SELENOH: variants seen among roughly 807,000 people sequenced by gnomAD.
The protein encoded by SELENOH is chromosome 11 open reading frame 31.
In SELENOH, 13 loss-of-function variants were observed where a neutral mutation model predicts 11.9. The observed-to-expected ratio is 1.09, with a 90% confidence interval of 0.71 to 1.74. The LOEUF is 1.74. Among genes scored for constraint, SELENOH ranks in the 40% most tolerant of loss-of-function variants. The pLI is 0.00. For synonymous variants in SELENOH, 96 were observed against 73.5 expected (o/e 1.31, Z -1.56); for missense variants, 223 against 170.3 (o/e 1.31, Z -1.72).
In SELENOH at chr11:57,741,499, C is replaced by T. The variant is rs1032905225; in HGVS notation, c.-97C>T. On this transcript the variant is annotated 5_prime_UTR_variant, in exon 1 of 4. Coordinates refer to ENST00000534355, the MANE Select transcript of SELENOH (RefSeq NM_170746.4). Reference sequence around the variant, plus strand: ...GTTTCCGCTGTAGGAGCAGAGCTTCCGGGCTGCGCTCTTCGTTGCCCAGTT... The same window carrying T: ...GTTTCCGCTGTAGGAGCAGAGCTTCTGGGCTGCGCTCTTCGTTGCCCAGTT... 4 of 1,000,368 alleles carry T rather than the reference C, an allele frequency of 4.0e-6. No individual in the cohort carries two copies. The highest frequency in any genetic ancestry group is 5.2e-6 in the Non-Finnish European group (4 of 775,250). The allele number at this position is 1,000,368 out of a possible 1,614,324, so 62.0% of individuals were successfully genotyped here. A position where few individuals can be genotyped will look rare whatever the true frequency, so the allele number is the denominator to read the frequency against.
chr11:57,741,738 C>T (rs766674032), intron 1 of SELENOH, 21 bp downstream of exon 1: 31 of 1,595,182 alleles, frequency 1.9e-5, no homozygotes, highest in African/African-American at 8.1e-5. Context: ...TGGAGAGTAA[C>T]GGGAGAGAGG....
At chr11:57,741,975 G>A (rs928498325) in intron 2 of SELENOH, 21 bp downstream of exon 2, 1 of 1,581,340 alleles carries the variant, frequency 6.3e-7, no homozygotes, top group Non-Finnish European at 8.6e-7. Flanking sequence ...ACCTGGATGT[G>A]GGGGAGAGGG....
chr11:57,742,286 G>A (rs947121501), intron 3 of SELENOH, 39 bp downstream of exon 3: 2 of 1,409,424 alleles, frequency 1.4e-6, no homozygotes, highest in Non-Finnish European at 2.0e-6. Context: ...CGCTGTTGAG[G>A]AAGAGAAGGC....
chr11:57,742,366 G>T, intron 3 of SELENOH, 119 bp downstream of exon 3: 5 of 716,860 alleles, frequency 7.0e-6, no homozygotes, highest in Non-Finnish European at 1.2e-5. Context: ...CAGCACTCTG[G>T]GAGGTCGAGG....
chr11:57,741,577 C>A lies in SELENOH; in HGVS notation c.-19C>A. On this transcript the variant is annotated 5_prime_UTR_variant, in exon 1 of 4. Transcript: ENST00000534355. ...CCACCCACCAGTCCCGCTGCATTCT[C>A]GGCCGGGCTCTAGGCGCCATGGCTC... is the stretch of plus-strand genomic sequence containing the variant. The A allele has an allele frequency of 8.0e-7, 1 of 1,257,834 alleles. No homozygotes were observed. 77.9% of individuals were successfully genotyped at this position (1,257,834 alleles called of 1,614,324 possible). A position where few individuals can be genotyped will look rare whatever the true frequency, so the allele number is the denominator to read the frequency against.
In SELENOH at chr11:57,741,817, G is replaced by T; in HGVS notation, c.131G>T (p.Sec44Leu). The T allele has an allele frequency of 6.2e-7, 1 of 1,606,080 alleles. No individual in the cohort carries two copies. ...TCTCCGTCTCTCCCTAGCACTAGCT[G>T]ACGCGTCTATGGGCGCAACGCCGCG... ...ATVVIEHCTS[U>L]RVYGRNAAAL... Residue 44 changes from selenocysteine (U) to leucine (L), a missense_variant, in exon 2 of 4, where the codon TGA (selenocysteine) becomes TTA (leucine). Coordinates refer to ENST00000534355, the MANE Select transcript of SELENOH (RefSeq NM_170746.4).
intron 3 of SELENOH, 57 bp downstream of exon 3, chr11:57,742,304 T>A: frequency 7.7e-7 from 1 of 1,303,710 alleles, no homozygotes; most frequent in Non-Finnish European, 1.1e-6. Context: ...GGCATTGATC[T>A]TGGTGTGGCT....
chr11:57,742,220 A>C lies in SELENOH; in HGVS notation c.*3A>C, dbSNP rs760801933. The stretch of plus-strand genomic sequence containing the variant: ...AGTTGAAGAAGTACCTGTCGTAGGG[A>C]GATTTGGGTAGAAGCCCTCATGCTG... On this transcript the variant is annotated 3_prime_UTR_variant, in exon 3 of 4. Coordinates refer to ENST00000534355, the MANE Select transcript of SELENOH (RefSeq NM_170746.4). The C allele has an allele frequency of 6.2e-7, 1 of 1,601,912 alleles. No homozygotes were observed. Among genetic ancestry groups the C allele is most frequent in the Admixed American group, 1.7e-5 (1 of 58,060 alleles).
intron 1 of SELENOH, 25 bp downstream of exon 1, chr11:57,741,742 A>T: frequency 1.3e-6 from 2 of 1,597,334 alleles, no homozygotes; most frequent in Non-Finnish European, 1.7e-6. Context: ...GAGTAACGGG[A>T]GAGAGGGAAC....
At chr11:57,741,982 A>G (rs1242099421) in intron 2 of SELENOH, 28 bp downstream of exon 2, 2 of 1,579,098 alleles carry the variant, frequency 1.3e-6, no homozygotes, top group Non-Finnish European at 1.7e-6. Flanking sequence ...TGTGGGGGAG[A>G]GGGACGTGGG....
rs1272039216 is a variant in SELENOH at position 57,743,091 on chromosome 11, T to C, written c.*259T>C. On this transcript the variant is annotated 3_prime_UTR_variant, in exon 4 of 4. Coordinates refer to ENST00000534355, the MANE Select transcript of SELENOH (RefSeq NM_170746.4). ...TAAGGGATGGACAAAGCCAGCCTTGTGGAGTTGGTAGTCCTTGTGTTTTTC... is the reference window on the plus strand; with the variant it reads ...TAAGGGATGGACAAAGCCAGCCTTGCGGAGTTGGTAGTCCTTGTGTTTTTC... The C allele has an allele frequency of 6.6e-6, 1 of 152,614 alleles. No homozygotes were observed. The highest frequency in any genetic ancestry group is 1.5e-5 in the Non-Finnish European group (1 of 68,046). 9.5% of individuals were successfully genotyped at this position (152,614 alleles called of 1,614,324 possible).
chr11:57,741,558 A>G lies in SELENOH; in HGVS notation c.-38A>G. 3 of 1,247,508 alleles carry G rather than the reference A, an allele frequency of 2.4e-6. No homozygotes were observed. Among genetic ancestry groups the G allele is most frequent in the Non-Finnish European group, 2.0e-6 (2 of 989,512 alleles). The allele number at this position is 1,247,508 out of a possible 1,614,324, so 77.3% of individuals were successfully genotyped here. A position where few individuals can be genotyped will look rare whatever the true frequency, so the allele number is the denominator to read the frequency against. On this transcript the variant is annotated 5_prime_UTR_variant, in exon 1 of 4. Coordinates refer to ENST00000534355, the MANE Select transcript of SELENOH (RefSeq NM_170746.4). The stretch of plus-strand genomic sequence containing the variant: ...GTGGTCGCGTCTCCGCCCCCCACCC[A>G]CCAGTCCCGCTGCATTCTCGGCCGG...
chr11:57,741,640 C>A lies in SELENOH; in HGVS notation c.45C>A (p.Val15=). The change falls in exon 1 of 4, where the codon GTC becomes GTA. Residue 15 remains valine, a synonymous_variant. Coordinates refer to ENST00000534355, the MANE Select transcript of SELENOH (RefSeq NM_170746.4). ...AGCGTAAGGCTGAGGCCGCGGTGGT[C>A]GCCGTAGCCGAGAAGCGAGAGAAGC... is the stretch of plus-strand genomic sequence containing the variant. ...GRKRKAEAAV[V]AVAEKREKLA... 7.5e-7 allele frequency: 1 copy of A among 1,325,242 alleles called. No homozygotes were observed. The highest frequency in any genetic ancestry group is 9.7e-7 in the Non-Finnish European group (1 of 1,027,100). The allele number at this position is 1,325,242 out of a possible 1,614,324, so 82.1% of individuals were successfully genotyped here.
Position 57,742,609 on chromosome 11 carries a change from G to A in SELENOH, c.*31-254G>A, listed in dbSNP as rs1023167801. ...TTTGGTTCTTGGGTGTTCTGTTACT[G>A]TCCTGTGTTAACACTGCATTACAAT... On this transcript the variant is annotated intron_variant, in intron 3 of 3. Coordinates refer to ENST00000534355, the MANE Select transcript of SELENOH (RefSeq NM_170746.4). 5.7e-5 allele frequency: 14 copies of A among 245,586 alleles called. 1 individual carries two copies. The highest frequency in any genetic ancestry group is 1.1e-4 in the Non-Finnish European group (14 of 124,310). The allele number at this position is 245,586 out of a possible 1,614,324, so 15.2% of individuals were successfully genotyped here. A position where few individuals can be genotyped will look rare whatever the true frequency, so the allele number is the denominator to read the frequency against.
intron 2 of SELENOH, 69 bp downstream of exon 2, chr11:57,742,023 G>T (rs937152319): frequency 1.3e-6 from 2 of 1,583,450 alleles, no homozygotes; most frequent in Non-Finnish European, 1.7e-6. Context: ...AAGACAGGAA[G>T]CGCTATTCTT....
rs914415495 is a variant in SELENOH at position 57,742,522 on chromosome 11, A to C, written c.*30+275A>C. 6 of 370,690 alleles carry C rather than the reference A, an allele frequency of 1.6e-5. No individual in the cohort carries two copies. The Admixed American group carries it at 1.8e-4, about 11-fold the overall frequency. 23.0% of individuals were successfully genotyped at this position (370,690 alleles called of 1,614,324 possible). ...TTGACTTGCCCTGGGGGTATGGACA[A>C]GTTTTCCATTTGGAAGTTTATTTCA... On this transcript the variant is annotated intron_variant, in intron 3 of 3. Transcript: ENST00000534355.
chr11:57,741,917 C>T lies in SELENOH; in HGVS notation c.231C>T (p.Gly77=). The change falls in exon 2 of 4, where the codon GGC becomes GGT. Residue 77 remains glycine (G), a synonymous_variant. Coordinates refer to ENST00000534355, the MANE Select transcript of SELENOH (RefSeq NM_170746.4). ...VKVNPTKPRR[G]SFEVTLLRPD... ...TGAACCCGACGAAGCCCCGGAGGGG[C>T]AGCTTCGAGGTGACGCTGCTGCGCC... is the stretch of plus-strand genomic sequence containing the variant. The T allele has an allele frequency of 1.3e-6, 2 of 1,593,242 alleles. No individual in the cohort carries two copies. Among genetic ancestry groups the T allele is most frequent in the Non-Finnish European group, 1.7e-6 (2 of 1,174,218 alleles).
At chr11:57,742,362 T>G in intron 3 of SELENOH, 115 bp downstream of exon 3, 1 of 731,404 alleles carries the variant, frequency 1.4e-6, no homozygotes, top group Non-Finnish European at 2.3e-6. Context: ...ATCCCAGCAC[T>G]CTGGGAGGTC....
chr11:57,742,187 G>T lies in SELENOH; in HGVS notation c.339G>T (p.Val113=). The T allele has an allele frequency of 1.9e-6, 3 of 1,611,210 alleles. No individual in the cohort carries two copies. Among genetic ancestry groups the T allele is most frequent in the Non-Finnish European group, 2.5e-6 (3 of 1,178,842 alleles). The change falls in exon 3 of 4, where the codon GTG becomes GTT. Residue 113 remains valine, a synonymous_variant. Coordinates refer to ENST00000534355, the MANE Select transcript of SELENOH (RefSeq NM_170746.4). ...RKLKFPEPQE[V]VEELKKYLS Reference sequence around the variant, plus strand: ...TCAAATTCCCTGAGCCTCAAGAGGTGGTGGAAGAGTTGAAGAAGTACCTGT... The same window carrying T: ...TCAAATTCCCTGAGCCTCAAGAGGTTGTGGAAGAGTTGAAGAAGTACCTGT...
Sources: gnomAD v4.1 joint callset for allele counts on GRCh38, gnomAD v4.1.1 for gene constraint, MANE v1.5 for transcripts, NCBI Gene and HGNC (gene_info 2026-07-23, HGNC 2026-07-21) for gene names.